The following CD34 variants were observed in gnomAD, a reference collection of about 807,000 sequenced individuals.
CD34 encodes hematopoietic progenitor cell antigen CD34.
In CD34, 34 loss-of-function variants were observed where a neutral mutation model predicts 40.1. The observed-to-expected ratio is 0.85, with a 90% CI of 0.65 to 1.13. The LOEUF (loss-of-function observed/expected upper bound fraction) is 1.13. Ranked by LOEUF, CD34 falls within the 50% of genes most tolerant of loss-of-function variation. The pLI, the probability that CD34 is intolerant of heterozygous loss-of-function variation, is 0.00. For missense variants in CD34, 426 were observed against 466.9 expected, an observed-to-expected ratio of 0.91 and a Z score of 0.81; for synonymous variants, 209 against 190.0, an observed-to-expected ratio of 1.10 and a Z score of -0.82.
intron 1 of CD34, among the ~76,000 whole-genome samples, chr1:207,909,140 G>C (rs903535386): frequency 1.3e-5 from 2 of 152,170 alleles, no homozygotes; most frequent in African/African-American, 4.8e-5. Flanking sequence ...TGGGAATGGG[G>C]CCTTGTGCCT....
In CD34 at chr1:207,884,125, A is replaced by G. The variant is rs995683376; in HGVS notation, c.*3613T>C. 2 of 151,886 alleles carry G rather than the reference A, an allele frequency of 1.3e-5. No homozygotes were observed. The highest frequency in any genetic ancestry group is 6.6e-5 in the Admixed American group (1 of 15,252). 9.4% of individuals were successfully genotyped at this position (151,886 alleles called of 1,614,324 possible). A position where few individuals can be genotyped will look rare whatever the true frequency, so the allele number is the denominator to read the frequency against. ...GGCTTTCTGCACTTGGCAGCTTTTC[A>G]TCATAGGGCTTTGCACTTGTCCTTT... On this transcript the variant is annotated 3_prime_UTR_variant, in exon 8 of 8. Transcript: ENST00000310833.
At position 207,896,297 on chromosome 1, in the gene CD34, CT is replaced by C. The variant is rs377236634; in HGVS notation, c.597+1195del. ...TGTTACTGTTAGGAAATTAGATTTA[CT>C]GAAACAAAGCAAGGTCTGCCAGAAT... On this transcript the variant is annotated intron_variant, in intron 4 of 7. Coordinates refer to ENST00000310833, the MANE Select transcript of CD34 (RefSeq NM_001025109.2). Among the ~76,000 whole-genome samples, 53 of 152,300 alleles carry C rather than the reference CT, an allele frequency of 3.5e-4. No homozygotes were observed. In the East Asian group the frequency reaches 9.6e-3, roughly 28 times the overall value.
intron 1 of CD34, 83 bp downstream of exon 1, chr1:207,910,919 C>A: frequency 7.4e-7 from 1 of 1,356,584 alleles, no homozygotes; most frequent in East Asian, 2.5e-5. Context: ...CCGTGAGACT[C>A]TGCTCTGCTG....
At chr1:207,889,800 GA>G (rs772029856) in intron 4 of CD34, 179 bp from the exon 5 acceptor site, 17 of 1,571,242 alleles carry the variant, frequency 1.1e-5, no homozygotes, top group Non-Finnish European at 1.5e-5. Flanking sequence ...AACACAATAA[GA>G]AAAAAACCTA....
rs1369355735 is a variant in CD34, at chr1:207,885,007, G to C, written c.*2731C>G. On this transcript the variant is annotated 3_prime_UTR_variant, in exon 8 of 8. Transcript: ENST00000310833. The stretch of plus-strand genomic sequence containing the variant: ...GGGAAAACTACAGATTCAGGACTTT[G>C]GAATTCTGGGTGATTGGGCAAGCCA... The C allele has an allele frequency of 6.6e-6, 1 of 152,172 alleles. No homozygotes were observed. The highest frequency in any genetic ancestry group is 2.4e-5 in the African/African-American group (1 of 41,430). The allele number at this position is 152,172 out of a possible 1,614,324, so 9.4% of individuals were successfully genotyped here.
chr1:207,889,275 C>G lies in CD34; in HGVS notation c.755-62G>C. The G allele has an allele frequency of 2.5e-6, 4 of 1,612,822 alleles. No individual in the cohort carries two copies. In the Admixed American group the frequency reaches 6.7e-5, roughly 27 times the overall value. On this transcript the variant is annotated intron_variant, in intron 5 of 7. Coordinates refer to ENST00000310833, the MANE Select transcript of CD34 (RefSeq NM_001025109.2). Reference sequence around the variant, plus strand: ...AAACCAGCTTATCCTGCTCCACCCTCCCATGCTGTTCTAGAAGATGCTCTG... The same window carrying G: ...AAACCAGCTTATCCTGCTCCACCCTGCCATGCTGTTCTAGAAGATGCTCTG...
chr1:207,907,977 G>A (rs1003120989), intron 1 of CD34, among the ~76,000 whole-genome samples: 1 of 152,176 alleles, frequency 6.6e-6, no homozygotes, highest in African/African-American at 2.4e-5. Flanking sequence ...CAATGAGAGA[G>A]GGAGGCCCAA....
chr1:207,905,723 T>C (rs1163051518), intron 1 of CD34, among the ~76,000 whole-genome samples: 1 of 152,210 alleles, frequency 6.6e-6, no homozygotes, highest in Non-Finnish European at 1.5e-5. Flanking sequence ...AAGTGGAAGA[T>C]TCCACACCTG....
At position 207,911,115 on chromosome 1, in the gene CD34, T is replaced by G; in HGVS notation, c.-35A>C. On this transcript the variant is annotated 5_prime_UTR_variant, in exon 1 of 8. Transcript: ENST00000310833. ...GCGGCTCCTAGAGAGACGCACCGAG[T>G]GGAAGACACTACTCGGCTTGGCCAG... 6.5e-6 allele frequency: 10 copies of G among 1,541,896 alleles called. No homozygotes were observed. Among genetic ancestry groups the G allele is most frequent in the Non-Finnish European group, 8.7e-6 (10 of 1,146,132 alleles).
intron 1 of CD34, among the ~76,000 whole-genome samples, chr1:207,901,700 AT>A (rs2102303714): frequency 6.6e-6 from 1 of 152,360 alleles, no homozygotes; most frequent in East Asian, 1.9e-4. Flanking sequence ...GATAGAAGAT[AT>A]TTTATTAGTT....
chr1:207,908,514 G>A (rs1443450226), intron 1 of CD34, among the ~76,000 whole-genome samples: 1 of 152,194 alleles, frequency 6.6e-6, no homozygotes, highest in Non-Finnish European at 1.5e-5. Flanking sequence ...CTTACATGTA[G>A]CCCTGGACAG....
At chr1:207,900,792 T>A (rs565965935) in intron 1 of CD34, among the ~76,000 whole-genome samples, 1 of 152,316 alleles carries the variant, frequency 6.6e-6, no homozygotes, top group South Asian at 2.1e-4. Context: ...AACCATGTAA[T>A]TTAATGCATG....
At chr1:207,894,824 A>AG (rs1491404061) in intron 4 of CD34, among the ~76,000 whole-genome samples, 2 of 152,150 alleles carry the variant, frequency 1.3e-5, no homozygotes, top group East Asian at 1.9e-4. Flanking sequence ...CAAAAAAAAA[A>AG]GAGTGATTGG....
intron 6 of CD34, 67 bp downstream of exon 6, chr1:207,889,094 C>G: frequency 9.8e-7 from 1 of 1,016,916 alleles, no homozygotes; most frequent in Non-Finnish European, 1.6e-6. Flanking sequence ...AATGACTTCC[C>G]CCCTTACTCC....
intron 4 of CD34, chr1:207,890,064 A>C (rs1662000208): frequency 2.3e-6 from 3 of 1,309,604 alleles, no homozygotes; most frequent in Admixed American, 4.0e-5. Context: ...AATCTATAAT[A>C]TACACTCAGT....
At chr1:207,906,582 C>T (rs970692772) in intron 1 of CD34, among the ~76,000 whole-genome samples, 7 of 152,130 alleles carry the variant, frequency 4.6e-5, no homozygotes, top group African/African-American at 1.4e-4. Context: ...CCATGGCTCA[C>T]GCCTGTAATC....
rs367974038 is a variant in CD34, at chr1:207,887,406, G to A, written c.*332C>T. 54 of 255,006 alleles carry A rather than the reference G, an allele frequency of 2.1e-4. No individual in the cohort carries two copies. The highest frequency in any genetic ancestry group is 7.5e-4 in the African/African-American group (34 of 45,308). The allele number at this position is 255,006 out of a possible 1,614,324, so 15.8% of individuals were successfully genotyped here. A position where few individuals can be genotyped will look rare whatever the true frequency, so the allele number is the denominator to read the frequency against. On this transcript the variant is annotated 3_prime_UTR_variant, in exon 8 of 8. Transcript: ENST00000310833. ...TTTCCCCTGGGGGTTCCTGTATTGC[G>A]GCAGAGAGGAGGGGGTAGGGGAAGG...
intron 1 of CD34, among the ~76,000 whole-genome samples, chr1:207,903,804 T>G (rs895597794): frequency 3.3e-5 from 5 of 152,202 alleles, no homozygotes; most frequent in African/African-American, 7.2e-5. Context: ...AAGCAACAGC[T>G]GAAAACTAAG....
chr1:207,889,025 G>C (rs1295197622), intron 6 of CD34, 136 bp downstream of exon 6: 5 of 864,278 alleles, frequency 5.8e-6, no homozygotes, highest in African/African-American at 1.7e-5. Flanking sequence ...CACCATTTTT[G>C]GTTCAAGACT....
Sources: allele counts gnomAD v4.1 joint callset (sites outside exome capture counted in the v4.1 genomes callset), GRCh38; gene constraint gnomAD v4.1.1; transcripts MANE v1.5; gene names NCBI Gene and HGNC (gene_info 2026-07-23, HGNC 2026-07-21).